ZCCHC10: variants seen among roughly 807,000 people sequenced by gnomAD.
ZCCHC10 encodes the protein zinc finger CCHC domain-containing protein 10.
In ZCCHC10, 16 loss-of-function variants were observed where a neutral mutation model predicts 19.5. The observed-to-expected ratio is 0.82, with a 90% CI of 0.56 to 1.25. The LOEUF (loss-of-function observed/expected upper bound fraction) is 1.25. ZCCHC10 is among the 50% of genes most tolerant of loss of function. The pLI is 0.00. For missense variants in ZCCHC10, 197 were observed against 201.0 expected (o/e 0.98, Z 0.12); for synonymous variants, 67 against 72.5 (o/e 0.92, Z 0.38).
rs538531542 is a variant in ZCCHC10 at position 132,998,614 on chromosome 5, T to A, written c.548A>T (p.Asp183Val). The change falls in exon 5 of 5, where the codon GAT becomes GTT. Residue 183 changes from aspartate to valine, a missense_variant. Asp to Val is a radical substitution (Grantham distance 152). Transcript: ENST00000509437. Reference sequence around the variant, plus strand: ...CTTTTTCTTCTTCTTTGGTGGTTCATCGTCAGAGCTGCTATCTGTGCTGGT... The same window carrying A: ...CTTTTTCTTCTTCTTTGGTGGTTCAACGTCAGAGCTGCTATCTGTGCTGGT... ...SSTSTDSSSD[D>V]EPPKKKKKK is the part of the protein sequence containing the mutation. The A allele has an allele frequency of 5.6e-6, 9 of 1,614,062 alleles. 1 individual carries two copies. The African/African-American group carries it at 9.3e-5, about 17-fold the overall frequency.
At chr5:133,015,592 C>T (rs920599133) in intron 2 of ZCCHC10, among the ~76,000 whole-genome samples, 1 of 152,130 alleles carries the variant, frequency 6.6e-6, no homozygotes, top group African/African-American at 2.4e-5. Flanking sequence ...TCCACAATGA[C>T]CCATGTGGCA....
rs1462715228 is a variant in ZCCHC10, at chr5:133,006,745, A to C, written c.269+14T>G. On this transcript the variant is annotated intron_variant, in intron 3 of 4. Coordinates refer to ENST00000509437, the MANE Select transcript of ZCCHC10 (RefSeq NM_001300816.3). ...TTAAAAAAATATTCCTTTGGATACC[A>C]CATGTAAACCTACCTTTGTTGCAAT... 6.3e-7 allele frequency: 1 copy of C among 1,583,872 alleles called. No homozygotes were observed. The highest frequency in any genetic ancestry group is 1.2e-5 in the South Asian group (1 of 84,616).
At chr5:133,005,973 TG>T (rs1056945487) in intron 3 of ZCCHC10, among the ~76,000 whole-genome samples, 16 of 147,490 alleles carry the variant, frequency 1.1e-4, no homozygotes, top group Admixed American at 2.1e-4. Flanking sequence ...CTTAGGAAGA[TG>T]CTGCTTTTTT....
chr5:133,000,172 T>A lies in ZCCHC10; in HGVS notation c.271A>T (p.Ile91Phe). The change falls in exon 4 of 5, where the codon ATT becomes TTT. Residue 91 changes from isoleucine (I) to phenylalanine (F), a missense_variant and splice_region_variant. By Grantham distance (21) the Ile-to-Phe change is conservative (BLOSUM62 0). Coordinates refer to ENST00000509437, the MANE Select transcript of ZCCHC10 (RefSeq NM_001300816.3). ...TTTCTTTCTACATTGGTTTCTCCAATGCTGATAAACACGAGGGGGAAAAAA... is the reference window on the plus strand; with the variant it reads ...TTTCTTTCTACATTGGTTTCTCCAAAGCTGATAAACACGAGGGGGAAAAAA... ...KENRLLLQQS[I>F]GETNVERKAK... 1.2e-6 allele frequency: 2 copies of A among 1,614,040 alleles called. No homozygotes were observed. The highest frequency in any genetic ancestry group is 1.7e-6 in the Non-Finnish European group (2 of 1,180,002).
Position 133,002,868 on chromosome 5 carries a change from C to T in ZCCHC10, c.270-2695G>A, listed in dbSNP as rs200838445. Among the ~76,000 whole-genome samples the T allele has an allele frequency of 7.9e-5, 12 of 151,892 alleles. No individual in the cohort carries two copies. The East Asian group carries it at 1.4e-3, about 17-fold the overall frequency. On this transcript the variant is annotated intron_variant, in intron 3 of 4. Coordinates refer to ENST00000509437, the MANE Select transcript of ZCCHC10 (RefSeq NM_001300816.3). ...CTGAGTAGCTGGGATTACAGGTGCC[C>T]GCCACCATGCCTGGCTAATTTTTGT... is the stretch of plus-strand genomic sequence containing the variant.
intron 2 of ZCCHC10, among the ~76,000 whole-genome samples, chr5:133,020,412 C>A (rs1046338010): frequency 1.3e-5 from 2 of 151,864 alleles, no homozygotes; most frequent in African/African-American, 4.8e-5. Context: ...CCACTGTACT[C>A]CAGCCTGGGC....
intron 3 of ZCCHC10, among the ~76,000 whole-genome samples, chr5:133,001,465 C>CT (rs1006324617): frequency 2.7e-5 from 4 of 149,746 alleles, no homozygotes; most frequent in South Asian, 2.1e-4. Context: ...GTAAATTTAA[C>CT]TTTTTTTTTT....
At chr5:133,020,300 T>C (rs1446807367) in intron 2 of ZCCHC10, among the ~76,000 whole-genome samples, 1 of 151,566 alleles carries the variant, frequency 6.6e-6, no homozygotes, top group African/African-American at 2.4e-5. Context: ...CCAACTCCAC[T>C]GAAAATACAA....
intron 2 of ZCCHC10, among the ~76,000 whole-genome samples, chr5:133,015,974 T>C (rs187132899): frequency 6.6e-6 from 1 of 152,356 alleles, no homozygotes; most frequent in East Asian, 1.9e-4. Flanking sequence ...TGGGTTATAA[T>C]CCATCACCAT....
At chr5:133,023,179 A>G (rs775832151) in intron 1 of ZCCHC10, among the ~76,000 whole-genome samples, 10 of 152,162 alleles carry the variant, frequency 6.6e-5, no homozygotes, top group Non-Finnish European at 1.3e-4. Context: ...ACATTACTGG[A>G]AGTCTTCAAG....
intron 3 of ZCCHC10, among the ~76,000 whole-genome samples, chr5:133,001,575 C>T (rs1350330353): frequency 6.6e-6 from 1 of 152,034 alleles, no homozygotes; most frequent in Non-Finnish European, 1.5e-5. Context: ...AATCCTCCCA[C>T]CTCAACCTCT....
intron 3 of ZCCHC10, among the ~76,000 whole-genome samples, chr5:133,004,898 T>C (rs1018713084): frequency 6.6e-6 from 1 of 152,214 alleles, no homozygotes; most frequent in Non-Finnish European, 1.5e-5. Context: ...CTGCATTCCA[T>C]CTGTTATATG....
At chr5:132,998,923 T>C in intron 4 of ZCCHC10, 73 bp from the exon 5 acceptor site, 2 of 1,548,088 alleles carry the variant, frequency 1.3e-6, no homozygotes, top group Non-Finnish European at 1.7e-6. Flanking sequence ...TTTCATTTTT[T>C]TTTTCTTTTC....
intron 3 of ZCCHC10, chr5:133,003,497 A>G (rs999633520): frequency 1.7e-5 from 3 of 179,902 alleles, no homozygotes; most frequent in African/African-American, 7.2e-5. Context: ...ACTGGAGATT[A>G]CACTGATTAA....
chr5:133,018,425 AGTCTTCCTCT>A (rs1369657736), intron 2 of ZCCHC10, among the ~76,000 whole-genome samples: 1 of 151,144 alleles, frequency 6.6e-6, no homozygotes, highest in Non-Finnish European at 1.5e-5. Context: ...TTTGAGACGG[AGTCTTCCTCT>A]GTCGTCCAGG....
chr5:133,017,315 G>T (rs756246831), intron 2 of ZCCHC10, among the ~76,000 whole-genome samples: 3 of 151,954 alleles, frequency 2.0e-5, no homozygotes, highest in Non-Finnish European at 4.4e-5. Context: ...ATACCTTTAG[G>T]ATTGCATTGT....
chr5:133,000,903 A>T (rs1330534102), intron 3 of ZCCHC10, among the ~76,000 whole-genome samples: 1 of 151,726 alleles, frequency 6.6e-6, no homozygotes, highest in Non-Finnish European at 1.5e-5. Context: ...GGCCTCCCAA[A>T]GTCCTGGGGA....
chr5:133,023,711 C>T (rs1022926272), intron 1 of ZCCHC10, among the ~76,000 whole-genome samples: 5 of 151,188 alleles, frequency 3.3e-5, no homozygotes, highest in African/African-American at 9.7e-5. Flanking sequence ...GTGGAGGTTG[C>T]GGTGAGCCAA....
intron 2 of ZCCHC10, among the ~76,000 whole-genome samples, chr5:133,015,631 T>C (rs948313369): frequency 6.6e-6 from 1 of 152,160 alleles, no homozygotes; most frequent in Non-Finnish European, 1.5e-5. Flanking sequence ...TCAATAGCCA[T>C]GTAAGTGAAC....
Sources: gnomAD v4.1 joint callset for allele counts (sites outside exome capture counted in the v4.1 genomes callset) on GRCh38, gnomAD v4.1.1 for gene constraint, MANE v1.5 for transcripts, NCBI Gene and HGNC (gene_info 2026-07-23, HGNC 2026-07-21) for gene names.